The following NTN1 variants were observed in gnomAD, a reference collection of about 807,000 sequenced individuals.
NTN1 encodes the protein netrin 1, also known as netrin-1.
A neutral mutation model predicts 54.2 loss-of-function variants in NTN1; 11 were observed. The observed-to-expected ratio is 0.20, with a 90% CI of 0.13 to 0.34. NTN1 has a LOEUF of 0.34. Ranked by LOEUF, NTN1 falls within the 10% of genes least tolerant of loss-of-function variation. The pLI, the probability that NTN1 is intolerant of heterozygous loss-of-function variation, is 1.00. For missense variants in NTN1, 740 were observed against 893.1 expected, an observed-to-expected ratio of 0.83 and a Z score of 2.18; for synonymous variants, 371 against 382.0, an observed-to-expected ratio of 0.97 and a Z score of 0.33.
At chr17:9,023,762 A>G (rs921689963) in intron 2 of NTN1, among the ~76,000 whole-genome samples, 1 of 152,150 alleles carries the variant, frequency 6.6e-6, no homozygotes, top group Non-Finnish European at 1.5e-5. Context: ...CCCTTTCCCA[A>G]GGCTGCAGCT....
At chr17:9,236,131 G>A (rs1567748895) in intron 6 of NTN1, among the ~76,000 whole-genome samples, 1 of 149,758 alleles carries the variant, frequency 6.7e-6, no homozygotes, top group Non-Finnish European at 1.5e-5. Context: ...ATTTGGGGGG[G>A]GGGGTACTAA....
Position 9,241,966 on chromosome 17 carries a change from C to T in NTN1, c.*1998C>T, listed in dbSNP as rs1906228653. Reference sequence around the variant, plus strand: ...GGGGAGTGGCCACCGAGCCCCTGGCCCTGGTTACTGCCTCTTGAGGACACT... The same window carrying T: ...GGGGAGTGGCCACCGAGCCCCTGGCTCTGGTTACTGCCTCTTGAGGACACT... On this transcript the variant is annotated 3_prime_UTR_variant, in exon 7 of 7. Transcript: ENST00000173229. 1 of 152,360 alleles carries T rather than the reference C, an allele frequency of 6.6e-6. No homozygotes were observed. 9.4% of individuals were successfully genotyped at this position (152,360 alleles called of 1,614,324 possible).
intron 2 of NTN1, among the ~76,000 whole-genome samples, chr17:9,124,769 G>A (rs2092240981): frequency 6.6e-6 from 1 of 152,158 alleles, no homozygotes. Flanking sequence ...AGAGTCAAGG[G>A]ATTGAGCTCC....
Position 9,240,141 on chromosome 17 carries a change from A to C in NTN1, c.*173A>C, listed in dbSNP as rs113122856. The stretch of plus-strand genomic sequence containing the variant: ...GGGACCCTCGGCGGCCCCTCCCCCT[A>C]CCCCCACCCTGCGCGCTCTGGGCGG... On this transcript the variant is annotated 3_prime_UTR_variant, in exon 7 of 7. Transcript: ENST00000173229. The C allele has an allele frequency of 9.5e-5, 24 of 252,056 alleles. No homozygotes were observed. In the East Asian group the frequency reaches 1.0e-3, roughly 11 times the overall value. 15.6% of individuals were successfully genotyped at this position (252,056 alleles called of 1,614,324 possible).
chr17:9,229,492 C>A (rs3785995), intron 6 of NTN1, among the ~76,000 whole-genome samples: 1 of 151,718 alleles, frequency 6.6e-6, no homozygotes, highest in Non-Finnish European at 1.5e-5. Flanking sequence ...ACGGCTGAGA[C>A]CTTGCTTCTC....
chr17:9,203,779 G>A (rs1904880682), intron 5 of NTN1, among the ~76,000 whole-genome samples: 1 of 151,956 alleles, frequency 6.6e-6, no homozygotes, highest in Non-Finnish European at 1.5e-5. Flanking sequence ...CTCCAGCCTG[G>A]GCATCAGAGT....
chr17:9,020,822 C>T (rs1481783807), upstream of NTN1, among the ~76,000 whole-genome samples: 7 of 152,216 alleles, frequency 4.6e-5, no homozygotes, highest in Non-Finnish European at 8.8e-5. Flanking sequence ...CCTTCAGCCT[C>T]CTGCCCACCA....
intron 6 of NTN1, among the ~76,000 whole-genome samples, chr17:9,237,497 C>T (rs951585604): frequency 6.6e-5 from 10 of 152,290 alleles, no homozygotes; most frequent in Middle Eastern, 3.4e-3. Context: ...TGTTGGGACA[C>T]CATTCAGCAC....
In NTN1 at chr17:9,023,523, C is replaced by T. The variant is rs1474274460; in HGVS notation, c.1018+132C>T. The T allele has an allele frequency of 2.7e-6, 3 of 1,129,530 alleles. No homozygotes were observed. The African/African-American group carries it at 4.9e-5, about 19-fold the overall frequency. The allele number at this position is 1,129,530 out of a possible 1,614,324, so 70.0% of individuals were successfully genotyped here. ...GAGGCGCGTTCGCCGATGCCCGGGA[C>T]CCGGGAGGGCTCAGAGCAGGTCCAC... On this transcript the variant is annotated intron_variant, in intron 2 of 6. Coordinates refer to ENST00000173229, the MANE Select transcript of NTN1 (RefSeq NM_004822.3).
intron 2 of NTN1, among the ~76,000 whole-genome samples, chr17:9,108,883 C>T (rs534743822): frequency 1.3e-5 from 2 of 151,922 alleles, no homozygotes; most frequent in South Asian, 2.1e-4. Flanking sequence ...CTTTTCTTTT[C>T]TTTCTTTTTT....
rs1474902526 is a variant in NTN1 at position 9,219,566 on chromosome 17, T to C, written c.1412-1602T>C. Among the ~76,000 whole-genome samples, 1 of 152,190 alleles carries C rather than the reference T, an allele frequency of 6.6e-6. No individual in the cohort carries two copies. The highest frequency in any genetic ancestry group is 2.4e-5 in the African/African-American group (1 of 41,456). On this transcript the variant is annotated intron_variant, in intron 5 of 6. Coordinates refer to ENST00000173229, the MANE Select transcript of NTN1 (RefSeq NM_004822.3). The surrounding 1 kb of genome is among the most constrained non-coding windows in gnomAD (Gnocchi z 4.5). Reference sequence around the variant, plus strand: ...TGGGATAGAGCTGCATTGATCTTCATTGAGGCACCAGTCAATGTATCTCAG... The same window carrying C: ...TGGGATAGAGCTGCATTGATCTTCACTGAGGCACCAGTCAATGTATCTCAG...
intron 2 of NTN1, among the ~76,000 whole-genome samples, chr17:9,117,398 A>G (rs1377976809): frequency 6.6e-6 from 1 of 152,190 alleles, no homozygotes; most frequent in Non-Finnish European, 1.5e-5. Flanking sequence ...GCATGAGGAC[A>G]GGTGGTTCAC....
chr17:9,036,714 G>A (rs2091904655), intron 2 of NTN1, among the ~76,000 whole-genome samples: 2 of 152,188 alleles, frequency 1.3e-5, no homozygotes, highest in African/African-American at 4.8e-5. Flanking sequence ...ATGATATTCT[G>A]TAGGTCTAGT....
intron 2 of NTN1, among the ~76,000 whole-genome samples, chr17:9,064,975 C>T (rs1031653629): frequency 3.3e-5 from 5 of 152,022 alleles, no homozygotes; most frequent in African/African-American, 9.7e-5. Flanking sequence ...CTCTCTCTGT[C>T]GCCCAGGCTG....
Position 9,221,796 on chromosome 17 carries a change from ATTGC to A in NTN1, c.1486+558_1486+561del, listed in dbSNP as rs947916555. Among the ~76,000 whole-genome samples the A allele has an allele frequency of 6.6e-6, 1 of 151,800 alleles. No individual in the cohort carries two copies. The highest frequency in any genetic ancestry group is 2.4e-5 in the African/African-American group (1 of 41,316). ...ACAGTCCTGGGGGCCACCTGCAGAGATTGCTTGTCACCTGTGACCTCAGGCTCCC... is the reference window on the plus strand; with the variant it reads ...ACAGTCCTGGGGGCCACCTGCAGAGATTGTCACCTGTGACCTCAGGCTCCC... On this transcript the variant is annotated intron_variant, in intron 6 of 6. Coordinates refer to ENST00000173229, the MANE Select transcript of NTN1 (RefSeq NM_004822.3). The surrounding 1 kb of genome is among the most constrained non-coding windows in gnomAD (Gnocchi z 4.5).
At chr17:9,125,175 C>T (rs901186308) in intron 2 of NTN1, among the ~76,000 whole-genome samples, 2 of 151,972 alleles carry the variant, frequency 1.3e-5, no homozygotes, top group African/African-American at 2.4e-5. Flanking sequence ...AGTCCTCCCA[C>T]CCCAGTCTCC....
the NTN1 span, among the ~76,000 whole-genome samples, chr17:9,003,588 C>T: frequency 6.7e-6 from 1 of 148,570 alleles, no homozygotes; most frequent in Non-Finnish European, 1.5e-5. This position sits in a 1 kb window ranked among gnomAD's most constrained non-coding sequence, Gnocchi z 7.4. Flanking sequence ...GCCAAGCCAG[C>T]CCCGGCCCTG....
intron 2 of NTN1, among the ~76,000 whole-genome samples, chr17:9,112,102 C>T (rs576234227): frequency 6.6e-5 from 10 of 152,196 alleles, no homozygotes; most frequent in Non-Finnish European, 1.3e-4. Flanking sequence ...ACAAGCCAGG[C>T]GAAACCTAGC....
In NTN1 at chr17:9,140,519, G is replaced by T. The variant is rs368575306; in HGVS notation, c.1019-22294G>T. Among the ~76,000 whole-genome samples the T allele has an allele frequency of 2.8e-3, 419 of 152,356 alleles. 29 individuals carry two copies. In the South Asian group the frequency reaches 0.085, roughly 31 times the overall value. On this transcript the variant is annotated intron_variant, in intron 2 of 6. Coordinates refer to ENST00000173229, the MANE Select transcript of NTN1 (RefSeq NM_004822.3). ...ACAAGCACCAGAGCCAGATGTGTGT[G>T]TGCAGGTGTGGGTCAGACCCCTATG...
Sources: allele counts gnomAD v4.1 joint callset (sites outside exome capture counted in the v4.1 genomes callset), GRCh38; gene constraint gnomAD v4.1.1; non-coding constraint Gnocchi (gnomAD v3.1); transcripts MANE v1.5; gene names NCBI Gene and HGNC (gene_info 2026-07-23, HGNC 2026-07-21).